Variants in TENM2 observed in about 807,000 individuals in gnomAD.
TENM2 encodes teneurin-2.
In TENM2, 52 loss-of-function variants were observed where a neutral mutation model predicts 245.2. That is an observed-to-expected ratio of 0.21 (90% CI 0.17 to 0.27). The LOEUF (loss-of-function observed/expected upper bound fraction) is 0.27. TENM2 is among the 10% of genes least tolerant of loss of function. The pLI, the probability that TENM2 is intolerant of heterozygous loss-of-function variation, is 1.00. For missense variants in TENM2, 3,046 were observed against 3,666.8 expected, an observed-to-expected ratio of 0.83 and a Z score of 4.37; for synonymous variants, 1,363 against 1,438.9, an observed-to-expected ratio of 0.95 and a Z score of 1.19.
At chr5:167,830,490 G>A (rs1164164822) in intron 2 of TENM2, among the ~76,000 whole-genome samples, 1 of 152,076 alleles carries the variant, frequency 6.6e-6, no homozygotes. Flanking sequence ...AATATCCTAA[G>A]CACCTGCTTG....
intron 2 of TENM2, among the ~76,000 whole-genome samples, chr5:167,649,146 C>G (rs1222109138): frequency 6.6e-6 from 1 of 152,146 alleles, no homozygotes. Context: ...CTGAGCAACA[C>G]CTGATTAATG....
At chr5:168,037,256 G>A (rs574601329) in intron 5 of TENM2, among the ~76,000 whole-genome samples, 1 of 152,226 alleles carries the variant, frequency 6.6e-6, no homozygotes, top group Non-Finnish European at 1.5e-5. Context: ...CTCCCCATGT[G>A]CCTAATTTGG....
chr5:167,429,287 T>A (rs1433246107), intron 2 of TENM2, among the ~76,000 whole-genome samples: 1 of 152,148 alleles, frequency 6.6e-6, no homozygotes, highest in East Asian at 1.9e-4. Flanking sequence ...AGCTCTGTGG[T>A]TTGAGTAGCA....
Position 168,023,639 on chromosome 5 carries a change from G to A in TENM2, c.1187-23788G>A, listed in dbSNP as rs187773012. On this transcript the variant is annotated intron_variant, in intron 5 of 28. Transcript: ENST00000518659. ...CCAGTTGTTTAGAGAGCAGCTGGAC[G>A]TCCCAAACACTCTGCCACAGATCCA... is the stretch of plus-strand genomic sequence containing the variant. 1.5e-3 allele frequency among the ~76,000 whole-genome samples: 232 copies of A among 152,300 alleles called. 2 individuals are homozygous for A. Among genetic ancestry groups the A allele is most frequent in the African/African-American group, 4.9e-3 (205 of 41,562 alleles).
intron 2 of TENM2, among the ~76,000 whole-genome samples, chr5:167,479,936 A>G (rs1052477672): frequency 6.6e-6 from 1 of 152,200 alleles, no homozygotes; most frequent in Non-Finnish European, 1.5e-5. Context: ...TAAAATACAG[A>G]TTTCTGGACA....
the TENM2 span, among the ~76,000 whole-genome samples, chr5:167,262,658 A>G: frequency 6.6e-6 from 1 of 152,126 alleles, no homozygotes; most frequent in Non-Finnish European, 1.5e-5. Flanking sequence ...GATATATTTT[A>G]TATTTTTAAA....
chr5:167,099,856 G>T, the TENM2 span, among the ~76,000 whole-genome samples: 1 of 152,160 alleles, frequency 6.6e-6, no homozygotes. Context: ...CTTCAGAAAG[G>T]TTGCTCCAGG....
chr5:167,787,648 A>G (rs1253412155), intron 2 of TENM2, among the ~76,000 whole-genome samples: 1 of 152,040 alleles, frequency 6.6e-6, no homozygotes, highest in African/African-American at 2.4e-5. Flanking sequence ...GTCTTATTAG[A>G]TCTTTTTGAC....
At chr5:168,148,072 CT>C (rs1361145405) in intron 12 of TENM2, among the ~76,000 whole-genome samples, 3 of 152,176 alleles carry the variant, frequency 2.0e-5, no homozygotes, top group Admixed American at 1.3e-4. Flanking sequence ...TGCTTTCTGC[CT>C]CCTGGGAATT....
chr5:167,554,979 TAGTC>T (rs972516030), intron 2 of TENM2, among the ~76,000 whole-genome samples: 117 of 152,198 alleles, frequency 7.7e-4, no homozygotes, highest in African/African-American at 2.4e-3. Context: ...TTTTTTTCAA[TAGTC>T]AGGATTAAAA....
the TENM2 span, among the ~76,000 whole-genome samples, chr5:167,072,167 C>T: frequency 2.0e-5 from 3 of 152,142 alleles, no homozygotes; most frequent in Non-Finnish European, 4.4e-5. Flanking sequence ...CCAGACAAGG[C>T]GGGGCTCATT....
chr5:167,197,056 C>T, the TENM2 span, among the ~76,000 whole-genome samples: 1 of 151,996 alleles, frequency 6.6e-6, no homozygotes. Context: ...GTGAATTCAG[C>T]TAGATCCAAC....
the TENM2 span, among the ~76,000 whole-genome samples, chr5:167,228,987 AC>A: frequency 6.6e-6 from 1 of 152,178 alleles, no homozygotes; most frequent in Non-Finnish European, 1.5e-5. Flanking sequence ...GGCGTGAGCC[AC>A]CGCGTCCGGC....
the TENM2 span, among the ~76,000 whole-genome samples, chr5:166,979,194 CCAGCAGCAGCAGCAGCAGCAG>C: frequency 2.9e-3 from 413 of 142,132 alleles, no homozygotes; most frequent in Non-Finnish European, 4.0e-3. Flanking sequence ...AGCACCACCA[CCAGCAGCAGCAGCAGCAGCAG>C]CAGCAGCAGC....
chr5:168,212,467 A>T (rs1265331861), intron 20 of TENM2, among the ~76,000 whole-genome samples: 1 of 152,226 alleles, frequency 6.6e-6, no homozygotes, highest in Non-Finnish European at 1.5e-5. Flanking sequence ...AGGAAAAATG[A>T]CCTTATTTTT....
intron 3 of TENM2, among the ~76,000 whole-genome samples, chr5:167,936,845 T>C (rs1231262643): frequency 6.6e-6 from 1 of 152,214 alleles, no homozygotes; most frequent in Non-Finnish European, 1.5e-5. Context: ...CACTAATCTG[T>C]CCTTGTCACT....
At chr5:167,446,793 GCACACACACACA>G (rs34343283) in intron 2 of TENM2, among the ~76,000 whole-genome samples, 29 of 144,006 alleles carry the variant, frequency 2.0e-4, no homozygotes, top group South Asian at 1.4e-3. Flanking sequence ...TTTGAAACAC[GCACACACACACA>G]CACACACACA....
intron 3 of TENM2, among the ~76,000 whole-genome samples, chr5:167,920,169 A>T (rs1777240488): frequency 1.3e-5 from 2 of 151,956 alleles, no homozygotes; most frequent in Non-Finnish European, 2.9e-5. Context: ...ATGAATGAGG[A>T]TTAAACGCCA....
intron 2 of TENM2, among the ~76,000 whole-genome samples, chr5:167,514,226 C>G (rs796987262): frequency 2.6e-5 from 4 of 152,254 alleles, no homozygotes; most frequent in African/African-American, 9.6e-5. Context: ...ACTGGAAATA[C>G]AAACATGCCA....
Sources: allele counts gnomAD v4.1 joint callset (sites outside exome capture counted in the v4.1 genomes callset), GRCh38; gene constraint gnomAD v4.1.1; transcripts MANE v1.5; gene names NCBI Gene and HGNC (gene_info 2026-07-23, HGNC 2026-07-21).